Variants in EPHB2 observed in about 807,000 individuals in gnomAD.
EPHB2 encodes ephrin type-B receptor 2.
Under a neutral mutation model 96.4 loss-of-function variants are expected in EPHB2, and 18 were observed. The ratio of observed to expected loss-of-function variants is 0.19; its 90% CI spans 0.13 to 0.28. EPHB2 has a LOEUF of 0.28. EPHB2 is among the 10% of genes least tolerant of loss of function. The pLI, the probability that EPHB2 is intolerant of heterozygous loss-of-function variation, is 1.00. For synonymous variants in EPHB2, 506 were observed against 534.1 expected (o/e 0.95, Z 0.72); for missense variants, 989 against 1,355.4 (o/e 0.73, Z 4.25).
intron 3 of EPHB2, among the ~76,000 whole-genome samples, chr1:22,803,401 G>A (rs1644872991): frequency 6.6e-6 from 1 of 152,010 alleles, no homozygotes; most frequent in South Asian, 2.1e-4. Context: ...GAGCCCAGGG[G>A]TTCAAGACTA....
chr1:22,827,901 T>A (rs1378108957), intron 3 of EPHB2, among the ~76,000 whole-genome samples: 2 of 152,182 alleles, frequency 1.3e-5, no homozygotes, highest in Non-Finnish European at 2.9e-5. Flanking sequence ...ACCATCCACA[T>A]GCATTTAGAG....
intron 8 of EPHB2, 117 bp from the exon 9 acceptor site, chr1:22,896,297 C>A: frequency 1.5e-6 from 2 of 1,304,112 alleles, no homozygotes; most frequent in Non-Finnish European, 2.2e-6. Flanking sequence ...AGGCAGGGAG[C>A]CCTCTGGCAG....
At chr1:22,803,693 GTGTGTATA>G (rs1644881675) in intron 3 of EPHB2, among the ~76,000 whole-genome samples, 1 of 142,586 alleles carries the variant, frequency 7.0e-6, no homozygotes, top group Non-Finnish European at 1.5e-5. Context: ...GTATATATAT[GTGTGTATA>G]TATATGTATA....
At position 22,878,702 on chromosome 1, in the gene EPHB2, C is replaced by T. The variant is rs143907167; in HGVS notation, c.1304-3657C>T. Among the ~76,000 whole-genome samples the T allele has an allele frequency of 1.1e-4, 16 of 152,358 alleles. No individual in the cohort carries two copies. In the East Asian group the frequency reaches 2.7e-3, roughly 26 times the overall value. The stretch of plus-strand genomic sequence containing the variant: ...CTAAAAGTACCTGCTTAAGGCCACA[C>T]GTGAGTGAGTGGAGGAGCAGGGAGC... On this transcript the variant is annotated intron_variant, in intron 5 of 15. Transcript: ENST00000374630.
chr1:22,800,177 C>T (rs41266947), intron 3 of EPHB2: 18,409 of 152,334 alleles, frequency 0.12, 1,213 homozygotes, highest in Admixed American at 0.14. Context: ...CGTCCCTGTA[C>T]GCATGCGTGT....
intron 9 of EPHB2, among the ~76,000 whole-genome samples, chr1:22,900,544 G>T (rs901030685): frequency 6.6e-6 from 1 of 152,160 alleles, no homozygotes; most frequent in Non-Finnish European, 1.5e-5. Context: ...CTGTCTGGCT[G>T]AAGAGCTGGC....
intron 1 of EPHB2, among the ~76,000 whole-genome samples, chr1:22,756,376 A>G (rs532162429): frequency 6.6e-6 from 1 of 152,034 alleles, no homozygotes; most frequent in Non-Finnish European, 1.5e-5. Flanking sequence ...TGGGAGAAGC[A>G]CAAGGAGCCT....
chr1:22,761,173 GT>G (rs1428681178), intron 1 of EPHB2, among the ~76,000 whole-genome samples: 7 of 152,154 alleles, frequency 4.6e-5, no homozygotes, highest in Non-Finnish European at 8.8e-5. Flanking sequence ...CAGGACTGAT[GT>G]TTTTAAAACG....
intron 5 of EPHB2, among the ~76,000 whole-genome samples, chr1:22,866,551 G>C (rs925526871): frequency 1.3e-5 from 2 of 152,080 alleles, no homozygotes; most frequent in African/African-American, 4.8e-5. Flanking sequence ...AACAAGAGCT[G>C]CTTCACCCAG....
chr1:22,821,494 A>T (rs4655123), intron 3 of EPHB2, among the ~76,000 whole-genome samples: 25,750 of 152,184 alleles, frequency 0.17, 2,474 homozygotes, highest in South Asian at 0.32. Flanking sequence ...CTGAAGCCCA[A>T]AGAGAGGAAG....
At chr1:22,731,950 A>T (rs567874581) in intron 1 of EPHB2, among the ~76,000 whole-genome samples, 1 of 152,228 alleles carries the variant, frequency 6.6e-6, no homozygotes, top group Non-Finnish European at 1.5e-5. Flanking sequence ...ATCCCACCCA[A>T]GAGGAATTTG....
intron 6 of EPHB2, chr1:22,882,785 C>T (rs10917325): frequency 0.41 from 153,395 of 371,658 alleles, 36,093 homozygotes; most frequent in Non-Finnish European, 0.51. Context: ...TCATCTTGAC[C>T]TCAGTGGCTT....
chr1:22,802,013 C>T (rs1454721206), intron 3 of EPHB2, among the ~76,000 whole-genome samples: 1 of 152,158 alleles, frequency 6.6e-6, no homozygotes, highest in Non-Finnish European at 1.5e-5. Context: ...TCATGCTGGG[C>T]CCTGCGCAGG....
chr1:22,749,017 T>A (rs1644020280), intron 1 of EPHB2, among the ~76,000 whole-genome samples: 1 of 146,778 alleles, frequency 6.8e-6, no homozygotes, highest in African/African-American at 2.5e-5. Context: ...CTTTTTACTT[T>A]GTGGCTTTTT....
In EPHB2 at chr1:22,906,675, G is replaced by A. The variant is rs769666307; in HGVS notation, c.1889-35G>A. ...GGAAGGTGGCCCTTCCACCTGGCAA[G>A]TGACATCCTGTCTGTCTTGGTGTTT... On this transcript the variant is annotated intron_variant, in intron 10 of 15. Transcript: ENST00000374630. The surrounding 1 kb of genome is among the most constrained non-coding windows in gnomAD (Gnocchi z 4.8). 2 of 1,613,808 alleles carry A rather than the reference G, an allele frequency of 1.2e-6. No individual in the cohort carries two copies. Among genetic ancestry groups the A allele is most frequent in the Admixed American group, 1.7e-5 (1 of 60,018 alleles).
At chr1:22,831,428 C>T (rs1457393574) in intron 3 of EPHB2, among the ~76,000 whole-genome samples, 1 of 152,022 alleles carries the variant, frequency 6.6e-6, no homozygotes, top group African/African-American at 2.4e-5. Flanking sequence ...ATTGATCTAT[C>T]CAAAAATATT....
At chr1:22,884,117 C>T (rs931568367) in intron 6 of EPHB2, among the ~76,000 whole-genome samples, 1 of 152,112 alleles carries the variant, frequency 6.6e-6, no homozygotes, top group African/African-American at 2.4e-5. Context: ...CGCATGCGGG[C>T]GGAGGGTGCC....
intron 6 of EPHB2, among the ~76,000 whole-genome samples, chr1:22,886,987 A>G (rs1639247305): frequency 6.6e-6 from 1 of 151,916 alleles, no homozygotes; most frequent in Admixed American, 6.6e-5. Context: ...CTCCTAGGAG[A>G]TGGAGGTGCC....
rs983054625 is a variant in EPHB2 at position 22,846,017 on chromosome 1, T to G, written c.812-17020T>G. Among the ~76,000 whole-genome samples the G allele has an allele frequency of 1.3e-5, 2 of 152,144 alleles. No homozygotes were observed. Among genetic ancestry groups the G allele is most frequent in the Non-Finnish European group, 2.9e-5 (2 of 68,028 alleles). On this transcript the variant is annotated intron_variant, in intron 3 of 15. Transcript: ENST00000374630. The surrounding 1 kb of genome is among the most constrained non-coding windows in gnomAD (Gnocchi z 4.3). The stretch of plus-strand genomic sequence containing the variant: ...TTTAAAGTAACTTGTTAAGAAGCCA[T>G]TTGGCCCTGGGAAAGTTTGGGATCA...
Sources: gnomAD v4.1 joint callset for allele counts (sites outside exome capture counted in the v4.1 genomes callset) on GRCh38, gnomAD v4.1.1 for gene constraint, Gnocchi (gnomAD v3.1) non-coding constraint, MANE v1.5 for transcripts, NCBI Gene and HGNC (gene_info 2026-07-23, HGNC 2026-07-21) for gene names.